The following DDX21 variants were observed in gnomAD, a reference collection of about 807,000 sequenced individuals.
DDX21 encodes the protein DExD-box helicase 21, also known as nucleolar RNA helicase 2.
DDX21 carries 18 observed loss-of-function variants against 90.0 expected under a neutral mutation model. The ratio of observed to expected loss-of-function variants is 0.20; its 90% CI spans 0.14 to 0.30. The LOEUF (loss-of-function observed/expected upper bound fraction) is 0.30. Ranked by LOEUF, DDX21 falls within the 10% of genes least tolerant of loss-of-function variation. DDX21 has a pLI of 1.00. For missense variants in DDX21, 673 were observed against 944.5 expected, an observed-to-expected ratio of 0.71 and a Z score of 3.77; for synonymous variants, 294 against 318.0, an observed-to-expected ratio of 0.92 and a Z score of 0.80.
chr10:68,956,706 C>A (rs1842801327), intron 1 of DDX21: 1 of 1,036,826 alleles, frequency 9.6e-7, no homozygotes, highest in Non-Finnish European at 1.2e-6. Flanking sequence ...AGACAGAACT[C>A]CCGGCATGAG....
chr10:68,977,931 T>C (rs541386102), intron 12 of DDX21, among the ~76,000 whole-genome samples: 1 of 151,676 alleles, frequency 6.6e-6, no homozygotes, highest in African/African-American at 2.4e-5. Context: ...AACCTAGTGA[T>C]ACTCTGTCTC....
chr10:68,973,663 C>T lies in DDX21; in HGVS notation c.1667C>T (p.Ala556Val), dbSNP rs777097991. Residue 556 changes from alanine to valine, a missense_variant and splice_region_variant, in exon 10 of 15, where the codon GCG (alanine) becomes GTG (valine). Ala to Val is a moderately conservative substitution (Grantham distance 64, BLOSUM62 0). Transcript: ENST00000354185. ...EYQLVQVEQKAGIKFKRIGVP... is the reference protein window; with the variant it reads ...EYQLVQVEQKVGIKFKRIGVP... ...CAGTTAGTACAAGTGGAGCAAAAAG[C>T]GGTAAAACTATTCTTACCTTTCATT... 1.7e-5 allele frequency: 27 copies of T among 1,612,572 alleles called. No individual in the cohort carries two copies. The highest frequency in any genetic ancestry group is 6.7e-5 in the East Asian group (3 of 44,870).
Position 68,956,240 on chromosome 10 carries a change from C to T in DDX21, c.15C>T (p.Leu5=). The T allele has an allele frequency of 6.2e-7, 1 of 1,614,102 alleles. No individual in the cohort carries two copies. Among genetic ancestry groups the T allele is most frequent in the Non-Finnish European group, 8.5e-7 (1 of 1,179,998 alleles). The change falls in exon 1 of 15, where the codon CTC becomes CTT. Residue 5 remains leucine, a synonymous_variant. Coordinates refer to ENST00000354185, the MANE Select transcript of DDX21 (RefSeq NM_004728.4). ...CTGCGCTGAAGATGCCGGGAAAACT[C>T]CGTAGTGACGCTGGTTTGGAATCAG... is the stretch of plus-strand genomic sequence containing the variant. MPGK[L]RSDAGLESDT... is the part of the protein sequence containing the mutation.
chr10:68,984,032 A>G lies in DDX21; in HGVS notation c.*1220A>G, dbSNP rs1345137396. The G allele has an allele frequency of 6.6e-6, 1 of 152,158 alleles. No homozygotes were observed. Among genetic ancestry groups the G allele is most frequent in the African/African-American group, 2.4e-5 (1 of 41,438 alleles). The allele number at this position is 152,158 out of a possible 1,614,324, so 9.4% of individuals were successfully genotyped here. Reference sequence around the variant, plus strand: ...TAAGTTGTTTTGAGGGAACTGAAGAACCTGATGTAGCCCCTGGCCAGATAA... The same window carrying G: ...TAAGTTGTTTTGAGGGAACTGAAGAGCCTGATGTAGCCCCTGGCCAGATAA... On this transcript the variant is annotated 3_prime_UTR_variant, in exon 15 of 15. Coordinates refer to ENST00000354185, the MANE Select transcript of DDX21 (RefSeq NM_004728.4).
Position 68,963,287 on chromosome 10 carries a change from A to G in DDX21, c.608-4A>G. 2 of 1,605,646 alleles carry G rather than the reference A, an allele frequency of 1.2e-6. No homozygotes were observed. Among genetic ancestry groups the G allele is most frequent in the Non-Finnish European group, 1.7e-6 (2 of 1,176,412 alleles). Reference sequence around the variant, plus strand: ...GTGAGATAACACAGTTAATTTGTTCATAGGCCGAGGAGTGACCTTCCTATT... The same window carrying G: ...GTGAGATAACACAGTTAATTTGTTCGTAGGCCGAGGAGTGACCTTCCTATT... On this transcript the variant is annotated splice_region_variant and splice_polypyrimidine_tract_variant and intron_variant, in intron 3 of 14. Transcript: ENST00000354185.
At position 68,974,556 on chromosome 10, in the gene DDX21, A is replaced by AT. The variant is rs1266940443; in HGVS notation, c.1669-108dup. The AT allele has an allele frequency of 2.2e-5, 17 of 785,740 alleles. No homozygotes were observed. In the African/African-American group the frequency reaches 2.3e-4, roughly 11 times the overall value. 48.7% of individuals were successfully genotyped at this position (785,740 alleles called of 1,614,324 possible). A position where few individuals can be genotyped will look rare whatever the true frequency, so the allele number is the denominator to read the frequency against. ...TCTGTAAGTCTAAAATTAAAAGTTC[A>AT]TTTTTTAATGTAATACATACATTTG... On this transcript the variant is annotated intron_variant, in intron 10 of 14. Coordinates refer to ENST00000354185, the MANE Select transcript of DDX21 (RefSeq NM_004728.4).
At chr10:68,966,294 C>CT (rs1842937584) in intron 5 of DDX21, among the ~76,000 whole-genome samples, 1 of 151,620 alleles carries the variant, frequency 6.6e-6, no homozygotes. Flanking sequence ...CCAGGCTGAT[C>CT]TCGAACTCCT....
At chr10:68,982,491 TA>T in intron 14 of DDX21, 51 bp from the exon 15 acceptor site, 2 of 1,554,344 alleles carry the variant, frequency 1.3e-6, no homozygotes, top group Non-Finnish European at 1.7e-6. Context: ...TCATGCTTTT[TA>T]AAAATTGAAT....
chr10:68,982,710 C>CAGT lies in DDX21; in HGVS notation c.2253_2255dup (p.Ser751dup), dbSNP rs775292764. The CAGT allele has an allele frequency of 9.9e-6, 16 of 1,613,836 alleles. No individual in the cohort carries two copies. The African/African-American group carries it at 1.9e-4, about 19-fold the overall frequency. ...GAAGATTCAGAGGACAGCGGGAAGG[C>CAGT]AGTAGAGGCCCGAGAGGACAGCGAT... is the stretch of plus-strand genomic sequence containing the variant. On this transcript the variant is annotated inframe_insertion, in exon 15 of 15. Transcript: ENST00000354185.
intron 14 of DDX21, among the ~76,000 whole-genome samples, chr10:68,982,137 G>A (rs1237008089): frequency 6.6e-6 from 1 of 152,168 alleles, no homozygotes; most frequent in Non-Finnish European, 1.5e-5. Flanking sequence ...CAAAGTGCTG[G>A]AATTACAGGC....
intron 4 of DDX21, among the ~76,000 whole-genome samples, chr10:68,964,427 A>T (rs187521409): frequency 2.6e-5 from 4 of 152,262 alleles, no homozygotes; most frequent in African/African-American, 7.2e-5. Flanking sequence ...TTAGTTTCAT[A>T]CCATTACCCT....
chr10:68,966,982 T>C, intron 5 of DDX21, 36 bp from the exon 6 acceptor site: 2 of 1,593,180 alleles, frequency 1.3e-6, no homozygotes, highest in Non-Finnish European at 1.7e-6. Flanking sequence ...AAGTACTTAC[T>C]AAAAACCCAG....
intron 9 of DDX21, among the ~76,000 whole-genome samples, chr10:68,972,899 A>G (rs1037780146): frequency 8.5e-5 from 13 of 152,228 alleles, no homozygotes; most frequent in African/African-American, 3.1e-4. Flanking sequence ...AGACTTGGAT[A>G]TTCTGACAGG....
chr10:68,975,776 C>T (rs1381870174), intron 11 of DDX21, among the ~76,000 whole-genome samples: 10 of 151,726 alleles, frequency 6.6e-5, no homozygotes, highest in South Asian at 2.1e-4. Context: ...AGGCCGGGTG[C>T]GGTGGCTCAC....
chr10:68,965,391 A>G lies in DDX21; in HGVS notation c.801A>G (p.Ala267=), dbSNP rs146151579. 485 of 1,613,638 alleles carry G rather than the reference A, an allele frequency of 3.0e-4. No homozygotes were observed. The highest frequency in any genetic ancestry group is 3.9e-4 in the Non-Finnish European group (464 of 1,179,868). The stretch of plus-strand genomic sequence containing the variant: ...TTCTTTATCAGGTACTGGTTCTTGC[A>G]CCTACAAGAGAGTTGGCAAATCAAG... ...RGRAPQVLVL[A]PTRELANQVS... The change falls in exon 5 of 15, where the codon GCA becomes GCG. Residue 267 remains alanine (A), a synonymous_variant. Transcript: ENST00000354185.
intron 7 of DDX21, 95 bp from the exon 8 acceptor site, chr10:68,970,103 CATT>C: frequency 8.5e-7 from 1 of 1,180,612 alleles, no homozygotes; most frequent in Non-Finnish European, 1.2e-6. Flanking sequence ...AGGAGCAAGA[CATT>C]AGAACATTAG....
chr10:68,976,067 AC>A (rs1464324735), intron 11 of DDX21, among the ~76,000 whole-genome samples: 3 of 146,976 alleles, frequency 2.0e-5, no homozygotes, highest in Non-Finnish European at 4.5e-5. Context: ...AAAAAAAAAT[AC>A]AAAAATACAA....
intron 1 of DDX21, among the ~76,000 whole-genome samples, chr10:68,957,129 G>T (rs1456369748): frequency 6.6e-6 from 1 of 152,136 alleles, no homozygotes; most frequent in Non-Finnish European, 1.5e-5. Flanking sequence ...CGTCTTTAGT[G>T]ACTTTTTAAA....
intron 3 of DDX21, 138 bp from the exon 4 acceptor site, chr10:68,963,153 A>G (rs1564625930): frequency 1.2e-6 from 1 of 853,590 alleles, no homozygotes; most frequent in East Asian, 2.7e-5. Flanking sequence ...ATTTGAGCCT[A>G]ACTTTGTAGA....
Sources: gnomAD v4.1 joint callset for allele counts (sites outside exome capture counted in the v4.1 genomes callset) on GRCh38, gnomAD v4.1.1 for gene constraint, MANE v1.5 for transcripts, NCBI Gene and HGNC (gene_info 2026-07-23, HGNC 2026-07-21) for gene names.